DNASE1: variants seen among roughly 807,000 people sequenced by gnomAD.
DNASE1 encodes deoxyribonuclease 1, also known as deoxyribonuclease-1.
Under a neutral mutation model 33.9 loss-of-function variants are expected in DNASE1, and 40 were observed. The ratio of observed to expected loss-of-function variants is 1.18; its 90% CI spans 0.92 to 1.54. The LOEUF (loss-of-function observed/expected upper bound fraction) is 1.54, where lower values mean the gene tolerates loss of function less well. DNASE1 is among the 40% of genes most tolerant of loss of function. The probability of loss-of-function intolerance (pLI) is 0.00; values close to 1 mark genes in which losing one functional copy is unlikely to be tolerated. For synonymous variants in DNASE1, 216 were observed against 160.0 expected, an observed-to-expected ratio of 1.35 and a Z score of -2.64; for missense variants, 518 against 372.6, an observed-to-expected ratio of 1.39 and a Z score of -3.21.
In DNASE1 at chr16:3,655,127, A is replaced by T. The variant is rs2042508990; in HGVS notation, c.-2+83A>T. The T allele has an allele frequency of 6.6e-6, 4 of 602,404 alleles. No individual in the cohort carries two copies. In the East Asian group the frequency reaches 1.1e-4, roughly 17 times the overall value. The allele number at this position is 602,404 out of a possible 1,614,324, so 37.3% of individuals were successfully genotyped here. A position where few individuals can be genotyped will look rare whatever the true frequency, so the allele number is the denominator to read the frequency against. ...CTTAGAGTCTCATCCTCCAGCAGCG[A>T]GTGAGGCGGAGGCTCCAGCGTCCCT... is the stretch of plus-strand genomic sequence containing the variant. On this transcript the variant is annotated intron_variant, in intron 1 of 8. Transcript: ENST00000246949.
At chr16:3,646,131 G>C (rs1026663903) in intron 1 of DNASE1, among the ~76,000 whole-genome samples, 1 of 152,138 alleles carries the variant, frequency 6.6e-6, no homozygotes, top group African/African-American at 2.4e-5. Context: ...CTTCCTGTCA[G>C]CTCAAGCCCA....
chr16:3,613,921 T>A (rs1178209405), intron 1 of DNASE1, among the ~76,000 whole-genome samples: 1 of 149,532 alleles, frequency 6.7e-6, no homozygotes, highest in Admixed American at 6.6e-5. Context: ...TTTTTTTTTT[T>A]TTTTTTTTTT....
downstream of DNASE1, chr16:3,658,751 G>C: frequency 6.3e-7 from 1 of 1,581,072 alleles, no homozygotes; most frequent in Non-Finnish European, 8.7e-7. Context: ...GGCAGGGCTG[G>C]TAGCCTGGGT....
At chr16:3,662,998 G>A (rs201159413), downstream of DNASE1, 288 of 1,551,366 alleles carry the variant, frequency 1.9e-4, 1 homozygote, top group Middle Eastern at 0.013. Context: ...GGGAGCTCAG[G>A]CCTGCATCCC....
At chr16:3,645,836 C>G (rs542796960) in intron 1 of DNASE1, among the ~76,000 whole-genome samples, 15 of 152,360 alleles carry the variant, frequency 9.8e-5, no homozygotes, top group African/African-American at 3.6e-4. Flanking sequence ...AGGGATGGCG[C>G]AACCAGGCTG....
rs770499760 is a variant in DNASE1, at chr16:3,663,390, C to T, written c.*5437C>T. The stretch of plus-strand genomic sequence containing the variant: ...AGGAGAGGCGTGCGGGGAGTGGAAA[C>T]CAGCCCCACGCCTAGAGAGCAGGGG... On this transcript the variant is annotated 3_prime_UTR_variant, in exon 10 of 10. Transcript: ENST00000407479. 74 of 1,612,662 alleles carry T rather than the reference C, an allele frequency of 4.6e-5. 1 individual carries two copies. The highest frequency in any genetic ancestry group is 1.8e-4 in the South Asian group (16 of 91,036).
intron 1 of DNASE1, 26 bp downstream of exon 1, chr16:3,655,070 G>A (rs1381768726): frequency 3.4e-6 from 2 of 586,692 alleles, no homozygotes; most frequent in Admixed American, 3.0e-5. Flanking sequence ...AGTGCCTCTG[G>A]GTGACTGGCC....
At chr16:3,656,586 G>A (rs915671779) in intron 4 of DNASE1, 52 bp from the exon 5 acceptor site, 144 of 1,499,644 alleles carry the variant, frequency 9.6e-5, no homozygotes, top group Non-Finnish European at 1.2e-4. Flanking sequence ...GGAAGCAGGA[G>A]TGGGGCAGCT....
At chr16:3,661,509 C>T (rs1352274401), downstream of DNASE1, 1 of 152,894 alleles carries the variant, frequency 6.5e-6, no homozygotes, top group African/African-American at 2.4e-5. Flanking sequence ...GACCAAGAAC[C>T]ACCGGAGGCC....
At chr16:3,658,493 C>T (rs2042855604), downstream of DNASE1, 1 of 573,094 alleles carries the variant, frequency 1.7e-6, no homozygotes, top group Middle Eastern at 4.7e-4. Flanking sequence ...ACCATCCTGG[C>T]CAAGATGGTG....
At chr16:3,657,572 A>AT in intron 7 of DNASE1, 148 bp from the exon 8 acceptor site, 1 of 1,246,540 alleles carries the variant, frequency 8.0e-7, no homozygotes, top group Non-Finnish European at 1.1e-6. Context: ...TGGTTTCCAC[A>AT]TTGAGGGGCA....
Position 3,657,046 on chromosome 16 carries a change from G to A in DNASE1, c.484G>A (p.Ala162Thr), listed in dbSNP as rs751150786. The A allele has an allele frequency of 6.8e-6, 11 of 1,613,892 alleles. No homozygotes were observed. The highest frequency in any genetic ancestry group is 2.2e-5 in the East Asian group (1 of 44,884). ...TCCCCTGCATGCGGCCCCGGGGGAC[G>A]CAGTAGCCGAGATCGACGCTCTCTA... ...IVPLHAAPGD[A>T]VAEIDALYDV... Residue 162 changes from alanine to threonine, a missense_variant, in exon 6 of 9, where the codon GCA (alanine) becomes ACA (threonine). Physicochemically the swap from Ala to Thr is moderately conservative, Grantham distance 58. Coordinates refer to ENST00000246949, the MANE Select transcript of DNASE1 (RefSeq NM_005223.4).
At chr16:3,646,314 T>C (rs1015671922) in intron 1 of DNASE1, among the ~76,000 whole-genome samples, 1 of 152,056 alleles carries the variant, frequency 6.6e-6, no homozygotes, top group Non-Finnish European at 1.5e-5. Context: ...TCTGCTCCAG[T>C]AATATTTTCA....
chr16:3,643,460 GCTGGGCTGTTCTTTC>G (rs2042080067), intron 1 of DNASE1, among the ~76,000 whole-genome samples: 1 of 152,264 alleles, frequency 6.6e-6, no homozygotes, highest in African/African-American at 2.4e-5. Flanking sequence ...ACAAGCCACA[GCTGGGCTGTTCTTTC>G]CAAAGACTGC....
chr16:3,660,756 C>G (rs1416944830), downstream of DNASE1: 1 of 152,072 alleles, frequency 6.6e-6, no homozygotes, highest in Non-Finnish European at 1.5e-5. Flanking sequence ...TAGACATGTA[C>G]TAAAGAACAA....
At chr16:3,657,607 C>T (rs2042766467) in intron 7 of DNASE1, 113 bp from the exon 8 acceptor site, 1 of 1,451,250 alleles carries the variant, frequency 6.9e-7, no homozygotes, top group African/African-American at 1.4e-5. Context: ...CAGTTTTGGG[C>T]ACCCACAGAC....
downstream of DNASE1, chr16:3,658,909 G>A: frequency 6.3e-7 from 1 of 1,591,104 alleles, no homozygotes; most frequent in Non-Finnish European, 8.6e-7. Context: ...AGTACCACGT[G>A]CTGTGACCCT....
chr16:3,660,903 G>A (rs924648780), downstream of DNASE1: 1 of 152,072 alleles, frequency 6.6e-6, no homozygotes, highest in Non-Finnish European at 1.5e-5. Context: ...CAACCTGGGG[G>A]ACAGAGTGAG....
At chr16:3,620,100 G>C (rs1442801671) in intron 1 of DNASE1, among the ~76,000 whole-genome samples, 1 of 151,816 alleles carries the variant, frequency 6.6e-6, no homozygotes, top group Non-Finnish European at 1.5e-5. Context: ...ATTTTTAGTA[G>C]AGATGAGGTT....
Sources: gnomAD v4.1 joint callset for allele counts (sites outside exome capture counted in the v4.1 genomes callset) on GRCh38, gnomAD v4.1.1 for gene constraint, MANE v1.5 for transcripts, NCBI Gene and HGNC (gene_info 2026-07-23, HGNC 2026-07-21) for gene names.